The following RAB3GAP2 variants were observed in gnomAD, a reference collection of about 807,000 sequenced individuals.
RAB3GAP2 encodes the protein rab3 GTPase-activating protein non-catalytic subunit.
Under a neutral mutation model 185.3 loss-of-function variants are expected in RAB3GAP2, and 87 were observed. The observed-to-expected ratio is 0.47, with a 90% CI of 0.39 to 0.56. The LOEUF is 0.56. Ranked by LOEUF, RAB3GAP2 falls within the 20% of genes least tolerant of loss-of-function variation. The pLI is 0.00. For missense variants in RAB3GAP2, 1,492 were observed against 1,638.2 expected (o/e 0.91, Z 1.54); for synonymous variants, 554 against 576.1 (o/e 0.96, Z 0.55).
chr1:220,232,721 G>A, intron 2 of RAB3GAP2, 78 bp downstream of exon 2: 1 of 1,286,308 alleles, frequency 7.8e-7, no homozygotes, highest in Admixed American at 1.7e-5. Flanking sequence ...ATGTCAGCTT[G>A]ACAGGGAAAT....
chr1:220,260,999 G>A (rs1444480901), intron 1 of RAB3GAP2, among the ~76,000 whole-genome samples: 3 of 152,142 alleles, frequency 2.0e-5, no homozygotes, highest in African/African-American at 4.8e-5. Context: ...GCACAGTACT[G>A]AGGTTTTAAC....
intron 28 of RAB3GAP2, 74 bp downstream of exon 28, chr1:220,162,124 G>A: frequency 8.5e-7 from 1 of 1,178,038 alleles, no homozygotes; most frequent in Non-Finnish European, 1.3e-6. Context: ...AAAGCCTAAT[G>A]TGAACAATCT....
chr1:220,272,105 G>A (rs770075655), intron 1 of RAB3GAP2, 118 bp downstream of exon 1: 3 of 862,562 alleles, frequency 3.5e-6, no homozygotes, highest in Non-Finnish European at 5.8e-6. Context: ...GAGGCACGGG[G>A]AGAACTGGGG....
chr1:220,234,673 G>C (rs1190637185), intron 1 of RAB3GAP2, among the ~76,000 whole-genome samples: 2 of 152,198 alleles, frequency 1.3e-5, no homozygotes, highest in South Asian at 2.1e-4. Context: ...AAGAATTCAT[G>C]ATCTACTGTA....
intron 1 of RAB3GAP2, among the ~76,000 whole-genome samples, chr1:220,250,451 T>C (rs1446689545): frequency 1.3e-5 from 2 of 152,236 alleles, no homozygotes; most frequent in East Asian, 3.8e-4. Context: ...TACAGGCTCA[T>C]AGGTGGAAGG....
intron 17 of RAB3GAP2, 55 bp from the exon 18 acceptor site, chr1:220,185,796 T>A: frequency 7.2e-7 from 1 of 1,390,006 alleles, no homozygotes; most frequent in South Asian, 1.2e-5. Context: ...ATTTTGTTTT[T>A]TAAATCTTAT....
intron 1 of RAB3GAP2, among the ~76,000 whole-genome samples, chr1:220,257,382 A>G (rs553347083): frequency 1.3e-5 from 2 of 152,120 alleles, no homozygotes; most frequent in Non-Finnish European, 2.9e-5. Flanking sequence ...CATCTCAAAA[A>G]AAAACAAAAC....
chr1:220,183,249 CA>C (rs1288524728), intron 19 of RAB3GAP2, among the ~76,000 whole-genome samples: 13 of 149,602 alleles, frequency 8.7e-5, no homozygotes, highest in African/African-American at 3.2e-4. Context: ...AGAATGTTAG[CA>C]TTTTTTTTTT....
intron 21 of RAB3GAP2, among the ~76,000 whole-genome samples, chr1:220,179,885 C>T (rs772842263): frequency 1.3e-5 from 2 of 152,000 alleles, no homozygotes; most frequent in South Asian, 4.2e-4. Context: ...GGAAGTCGGC[C>T]GGGTGCGGTG....
At chr1:220,238,758 C>G (rs1175564701) in intron 1 of RAB3GAP2, among the ~76,000 whole-genome samples, 1 of 152,200 alleles carries the variant, frequency 6.6e-6, no homozygotes, top group African/African-American at 2.4e-5. Flanking sequence ...CTTGCATCCA[C>G]CAATGATCTT....
rs556261823 is a variant in RAB3GAP2, at chr1:220,253,863, A to G, written c.115+18360T>C. On this transcript the variant is annotated intron_variant, in intron 1 of 34. Transcript: ENST00000358951. ...GAGGGGCTGCCCCAGGAAAGAAGAC[A>G]TCTGGTCTGCAACAGAAAAATGTTG... 25 of 1,613,176 alleles carry G rather than the reference A, an allele frequency of 1.5e-5. No homozygotes were observed. The South Asian group carries it at 1.9e-4, about 12-fold the overall frequency.
At chr1:220,237,761 T>C (rs185740402) in intron 1 of RAB3GAP2, among the ~76,000 whole-genome samples, 1 of 152,312 alleles carries the variant, frequency 6.6e-6, no homozygotes, top group Non-Finnish European at 1.5e-5. Flanking sequence ...ATCACTCTTC[T>C]ATTCTTTCAC....
At chr1:220,255,726 T>A (rs1176217491) in intron 1 of RAB3GAP2, among the ~76,000 whole-genome samples, 1 of 151,988 alleles carries the variant, frequency 6.6e-6, no homozygotes, top group Non-Finnish European at 1.5e-5. Flanking sequence ...CAGACAAGAA[T>A]AGAGGGAAAG....
At chr1:220,205,029 C>T (rs1456828517) in intron 8 of RAB3GAP2, among the ~76,000 whole-genome samples, 1 of 151,898 alleles carries the variant, frequency 6.6e-6, no homozygotes, top group South Asian at 2.1e-4. Context: ...CAAGTCTTTG[C>T]TATTGTATTT....
In RAB3GAP2 at chr1:220,205,930, G is replaced by A; in HGVS notation, c.689C>T (p.Ala230Val). Residue 230 changes from alanine to valine, a missense_variant, in exon 8 of 35, where the codon GCT becomes GTT. By Grantham distance (64) the Ala-to-Val change is moderately conservative. Coordinates refer to ENST00000358951, the MANE Select transcript of RAB3GAP2 (RefSeq NM_012414.4). ...ACCTTTTGCTACCTGATTTCGACAA[G>A]CACGAAGAGATTGAAAAAGGCTAAA... The part of the protein sequence containing the change: ...DGFSLFQSLR[A>V]CRNQVAKAAA... 1 of 1,608,206 alleles carries A rather than the reference G, an allele frequency of 6.2e-7. No homozygotes were observed. Among genetic ancestry groups the A allele is most frequent in the South Asian group, 1.1e-5 (1 of 90,902 alleles).
At chr1:220,183,490 T>C (rs1658451957) in intron 19 of RAB3GAP2, among the ~76,000 whole-genome samples, 3 of 152,042 alleles carry the variant, frequency 2.0e-5, no homozygotes. Context: ...TGGGCTCAAG[T>C]GATCCTCGCA....
intron 31 of RAB3GAP2, among the ~76,000 whole-genome samples, chr1:220,154,865 C>T (rs7534634): frequency 6.8e-4 from 104 of 151,932 alleles, no homozygotes; most frequent in African/African-American, 2.4e-3. Context: ...GGACTACAGG[C>T]GTGTACTACC....
chr1:220,229,059 G>C (rs1192708716), intron 2 of RAB3GAP2, among the ~76,000 whole-genome samples: 1 of 152,102 alleles, frequency 6.6e-6, no homozygotes, highest in African/African-American at 2.4e-5. Context: ...GTATATCCTT[G>C]CTGAAAAAAG....
rs1659525258 is a variant in RAB3GAP2, at chr1:220,232,782, T to C, written c.180+17A>G. 1.3e-6 allele frequency: 2 copies of C among 1,599,424 alleles called. No homozygotes were observed. Among genetic ancestry groups the C allele is most frequent in the African/African-American group, 2.7e-5 (2 of 74,540 alleles). Reference sequence around the variant, plus strand: ...ATGCCACTATCAAAAAACATGCATATATTTGTAAAGACTTACAGGTTCTTG... The same window carrying C: ...ATGCCACTATCAAAAAACATGCATACATTTGTAAAGACTTACAGGTTCTTG... On this transcript the variant is annotated intron_variant, in intron 2 of 34. Transcript: ENST00000358951.
Sources: gnomAD v4.1 joint callset for allele counts (sites outside exome capture counted in the v4.1 genomes callset) on GRCh38, gnomAD v4.1.1 for gene constraint, MANE v1.5 for transcripts, NCBI Gene and HGNC (gene_info 2026-07-23, HGNC 2026-07-21) for gene names.